The following GRID2 variants were observed in gnomAD, a reference collection of about 807,000 sequenced individuals.
GRID2 encodes glutamate ionotropic receptor delta type subunit 2.
In GRID2, 33 loss-of-function variants were observed where a neutral mutation model predicts 114.8. That is an observed-to-expected ratio of 0.29 (90% CI 0.22 to 0.38). The LOEUF (loss-of-function observed/expected upper bound fraction) is 0.38, where lower values mean the gene tolerates loss of function less well. Ranked by LOEUF, GRID2 falls within the 10% of genes least tolerant of loss-of-function variation. GRID2 has a pLI of 1.00. For missense variants in GRID2, 1,184 were observed against 1,257.7 expected (o/e 0.94, Z 0.89); for synonymous variants, 505 against 449.9 (o/e 1.12, Z -1.55).
intron 3 of GRID2, among the ~76,000 whole-genome samples, chr4:93,100,541 C>T (rs981022929): frequency 6.6e-6 from 1 of 151,926 alleles, no homozygotes; most frequent in African/African-American, 2.4e-5. Flanking sequence ...AAAGTCTCTT[C>T]AGCTCAATGA....
At chr4:93,240,578 C>T (rs1405009663) in intron 8 of GRID2, among the ~76,000 whole-genome samples, 2 of 150,760 alleles carry the variant, frequency 1.3e-5, no homozygotes, top group African/African-American at 2.4e-5. Context: ...ATTTCAATGC[C>T]ATTTATAGTA....
intron 13 of GRID2, among the ~76,000 whole-genome samples, chr4:93,560,278 T>C (rs1578262729): frequency 9.0e-6 from 1 of 110,610 alleles, no homozygotes; most frequent in Admixed American, 1.0e-4. Context: ...TAAGACTGAG[T>C]GATTTATAAA....
chr4:93,019,909 A>G (rs1723121635), intron 2 of GRID2, among the ~76,000 whole-genome samples: 1 of 152,192 alleles, frequency 6.6e-6, no homozygotes, highest in South Asian at 2.1e-4. Context: ...AACTTTTAAA[A>G]CAATACTTTA....
chr4:92,341,359 G>A (rs1355496136), intron 1 of GRID2, among the ~76,000 whole-genome samples: 1 of 152,116 alleles, frequency 6.6e-6, no homozygotes. Flanking sequence ...GATTCCTACA[G>A]CAAGAGATGG....
chr4:92,884,187 A>C (rs2149461253), intron 2 of GRID2, among the ~76,000 whole-genome samples: 1 of 152,280 alleles, frequency 6.6e-6, no homozygotes, highest in Middle Eastern at 3.4e-3. Context: ...TTCTTTCCTT[A>C]AAACCCATGA....
At chr4:92,964,089 G>A (rs1752986014) in intron 2 of GRID2, among the ~76,000 whole-genome samples, 1 of 151,944 alleles carries the variant, frequency 6.6e-6, no homozygotes, top group Non-Finnish European at 1.5e-5. Context: ...AAGCTTTGTT[G>A]TTCCATTAAT....
chr4:92,447,518 T>G (rs1022692441), intron 1 of GRID2, among the ~76,000 whole-genome samples: 2 of 152,216 alleles, frequency 1.3e-5, no homozygotes, highest in Non-Finnish European at 2.9e-5. Flanking sequence ...GTTCTATTAT[T>G]TTCCTATCTT....
At chr4:92,346,797 T>C (rs1437837810) in intron 1 of GRID2, among the ~76,000 whole-genome samples, 2 of 152,208 alleles carry the variant, frequency 1.3e-5, no homozygotes, top group Non-Finnish European at 2.9e-5. Flanking sequence ...AAATTTCATA[T>C]GCAATTAAAA....
Position 92,914,780 on chromosome 4 carries a change from A to G in GRID2, c.245-170215A>G, listed in dbSNP as rs187313350. On this transcript the variant is annotated intron_variant, in intron 2 of 15. Coordinates refer to ENST00000282020, the MANE Select transcript of GRID2 (RefSeq NM_001510.4). ...TTTTTTTATGGCTGCATAGTATTCT[A>G]TGGTATATCTGAACTACATTTTTTT... Among the ~76,000 whole-genome samples, 11 of 152,196 alleles carry G rather than the reference A, an allele frequency of 7.2e-5. No individual in the cohort carries two copies. In the East Asian group the frequency reaches 1.5e-3, roughly 21 times the overall value.
intron 8 of GRID2, among the ~76,000 whole-genome samples, chr4:93,256,778 G>A (rs991633746): frequency 4.6e-5 from 7 of 151,854 alleles, no homozygotes; most frequent in Admixed American, 3.3e-4. Context: ...TATGTACTGC[G>A]AGGGAAAAGG....
chr4:93,316,023 G>A (rs901328673), intron 8 of GRID2, among the ~76,000 whole-genome samples: 1 of 152,086 alleles, frequency 6.6e-6, no homozygotes, highest in Non-Finnish European at 1.5e-5. Flanking sequence ...GGAGACTTGA[G>A]AAAAAGTTTG....
chr4:93,294,379 T>C (rs1754066549), intron 8 of GRID2, among the ~76,000 whole-genome samples: 1 of 152,108 alleles, frequency 6.6e-6, no homozygotes, highest in African/African-American at 2.4e-5. Context: ...ATGTTGTAAT[T>C]TTATTTATGT....
intron 2 of GRID2, among the ~76,000 whole-genome samples, chr4:92,843,338 A>G (rs1198425124): frequency 1.3e-5 from 2 of 152,094 alleles, no homozygotes; most frequent in Admixed American, 1.3e-4. Flanking sequence ...CAACAACACA[A>G]GGTCTAATTC....
chr4:93,031,793 CAGTGTG>C (rs1724466205), intron 2 of GRID2, among the ~76,000 whole-genome samples: 1 of 151,258 alleles, frequency 6.6e-6, no homozygotes, highest in Non-Finnish European at 1.5e-5. Context: ...TCTTTATTAG[CAGTGTG>C]AGAACTGACT....
At chr4:92,530,524 A>G (rs115454930) in intron 1 of GRID2, among the ~76,000 whole-genome samples, 3,491 of 150,396 alleles carry the variant, frequency 0.023, 143 homozygotes, top group African/African-American at 0.079. Context: ...AAAAAAAAAA[A>G]AGAGAGACTT....
intron 2 of GRID2, among the ~76,000 whole-genome samples, chr4:92,593,947 G>A (rs1388040160): frequency 1.3e-5 from 2 of 150,280 alleles, no homozygotes; most frequent in East Asian, 3.9e-4. Context: ...AAACGTATAT[G>A]GGTTATTTTT....
At chr4:92,397,925 G>A (rs1310940364) in intron 1 of GRID2, among the ~76,000 whole-genome samples, 2 of 144,332 alleles carry the variant, frequency 1.4e-5, no homozygotes, top group Non-Finnish European at 3.0e-5. Flanking sequence ...ATGTGGCCTG[G>A]GGAAACTAGA....
At chr4:92,844,229 C>G (rs1001641057) in intron 2 of GRID2, among the ~76,000 whole-genome samples, 6 of 151,922 alleles carry the variant, frequency 3.9e-5, no homozygotes, top group Non-Finnish European at 7.4e-5. Context: ...ACTAGTTTTT[C>G]TGTCAGTCAT....
At chr4:92,668,902 G>C (rs1476289502) in intron 2 of GRID2, among the ~76,000 whole-genome samples, 1 of 151,834 alleles carries the variant, frequency 6.6e-6, no homozygotes, top group Non-Finnish European at 1.5e-5. Flanking sequence ...ACATGGTGGT[G>C]ACCAAAAGAG....
Sources: gnomAD v4.1 joint callset for allele counts (sites outside exome capture counted in the v4.1 genomes callset) on GRCh38, gnomAD v4.1.1 for gene constraint, MANE v1.5 for transcripts, NCBI Gene and HGNC (gene_info 2026-07-23, HGNC 2026-07-21) for gene names.